The following KLHL29 variants were observed in gnomAD, a reference collection of about 807,000 sequenced individuals.
KLHL29 encodes kelch-like protein 29.
KLHL29 carries 21 observed loss-of-function variants against 80.4 expected under a neutral mutation model. The observed-to-expected ratio is 0.26, with a 90% CI of 0.19 to 0.38. The LOEUF is 0.38. Ranked by LOEUF, KLHL29 falls within the 10% of genes least tolerant of loss-of-function variation. The pLI is 1.00. For synonymous variants in KLHL29, 511 were observed against 526.8 expected, an observed-to-expected ratio of 0.97 and a Z score of 0.41; for missense variants, 867 against 1,223.9, an observed-to-expected ratio of 0.71 and a Z score of 4.35.
At chr2:23,587,213 T>C (rs1389820108) in intron 3 of KLHL29, among the ~76,000 whole-genome samples, 1 of 151,066 alleles carries the variant, frequency 6.6e-6, no homozygotes, top group Non-Finnish European at 1.5e-5. Context: ...TTTTATTCTT[T>C]TCCTCCTTAT....
chr2:23,441,541 A>G (rs949491096), intron 1 of KLHL29, among the ~76,000 whole-genome samples: 2 of 152,168 alleles, frequency 1.3e-5, no homozygotes, highest in Non-Finnish European at 2.9e-5. Flanking sequence ...TAGTAACCTA[A>G]AAGAACAACA....
chr2:23,672,575 C>A (rs1670796366), intron 5 of KLHL29, among the ~76,000 whole-genome samples: 4 of 152,160 alleles, frequency 2.6e-5, no homozygotes, highest in Non-Finnish European at 5.9e-5. Context: ...CCCCTCCTTC[C>A]TCATAAGGCC....
intron 2 of KLHL29, among the ~76,000 whole-genome samples, chr2:23,499,979 G>A (rs1049611830): frequency 2.6e-5 from 4 of 152,224 alleles, no homozygotes; most frequent in Non-Finnish European, 2.9e-5. Context: ...TGGTTTTAGC[G>A]TTGTGAGGAT....
chr2:23,521,004 G>A (rs113455719), intron 2 of KLHL29, among the ~76,000 whole-genome samples: 12 of 87,034 alleles, frequency 1.4e-4, no homozygotes, highest in Non-Finnish European at 2.5e-4. Context: ...CCCCCCCCCC[G>A]CTCCCCCTCA....
In KLHL29 at chr2:23,547,112, G is replaced by A. The variant is rs554417157; in HGVS notation, c.-45-15040G>A. 1.2e-3 allele frequency among the ~76,000 whole-genome samples: 189 copies of A among 152,164 alleles called. 3 individuals are homozygous for A. The highest frequency in any genetic ancestry group is 3.2e-4 in the Non-Finnish European group (22 of 68,020). On this transcript the variant is annotated intron_variant, in intron 2 of 13. Transcript: ENST00000486442. The stretch of plus-strand genomic sequence containing the variant: ...CCACAGCGGAAGGAGGGCCGGCACC[G>A]GGTCTCTGCACACGGAGGCTGTCTC...
At chr2:23,612,741 CA>C (rs1164293506) in intron 3 of KLHL29, among the ~76,000 whole-genome samples, 1 of 151,064 alleles carries the variant, frequency 6.6e-6, no homozygotes, top group Admixed American at 6.6e-5. Context: ...GTCTCAATCT[CA>C]AAAAAGAAAA....
intron 1 of KLHL29, among the ~76,000 whole-genome samples, chr2:23,402,527 C>A (rs1314847524): frequency 6.6e-6 from 1 of 152,072 alleles, no homozygotes; most frequent in South Asian, 2.1e-4. Context: ...CCTTCCCCCT[C>A]TCTCCCGTGG....
At chr2:23,563,507 G>A (rs1572403422) in intron 3 of KLHL29, among the ~76,000 whole-genome samples, 1 of 152,240 alleles carries the variant, frequency 6.6e-6, no homozygotes, top group Non-Finnish European at 1.5e-5. Flanking sequence ...GTGCATGAGT[G>A]TATGTGTGTG....
chr2:23,678,882 G>C (rs569674569), intron 5 of KLHL29, among the ~76,000 whole-genome samples: 1 of 152,296 alleles, frequency 6.6e-6, no homozygotes, highest in African/African-American at 2.4e-5. Flanking sequence ...ACAGAAAGTA[G>C]AATGGTGGTT....
chr2:23,437,395 C>T (rs1050634383), intron 1 of KLHL29, among the ~76,000 whole-genome samples: 21 of 152,180 alleles, frequency 1.4e-4, no homozygotes, highest in African/African-American at 4.8e-4. Flanking sequence ...AGGTGGCATC[C>T]CTCTTGCTGG....
chr2:23,535,885 A>G (rs76193254), intron 2 of KLHL29, among the ~76,000 whole-genome samples: 4,302 of 152,326 alleles, frequency 0.028, 64 homozygotes, highest in African/African-American at 0.04. Context: ...GTGTACACAT[A>G]AAATGGCTAA....
At chr2:23,549,281 T>G (rs1239360120) in intron 2 of KLHL29, among the ~76,000 whole-genome samples, 1 of 152,184 alleles carries the variant, frequency 6.6e-6, no homozygotes, top group Non-Finnish European at 1.5e-5. Flanking sequence ...CCTGCTTGGT[T>G]AATCTAAAAA....
At chr2:23,428,148 AGCTGCC>A (rs1230800001) in intron 1 of KLHL29, among the ~76,000 whole-genome samples, 1 of 152,244 alleles carries the variant, frequency 6.6e-6, no homozygotes, top group Non-Finnish European at 1.5e-5. Context: ...CATCCACGAC[AGCTGCC>A]ATCCAGAGAG....
chr2:23,390,389 G>A (rs1250846219), intron 1 of KLHL29, among the ~76,000 whole-genome samples: 1 of 152,182 alleles, frequency 6.6e-6, no homozygotes, highest in Non-Finnish European at 1.5e-5. Context: ...CGGGGATCTA[G>A]CGTGCGCAAA....
intron 5 of KLHL29, among the ~76,000 whole-genome samples, chr2:23,660,170 T>C (rs1670365319): frequency 6.6e-6 from 1 of 152,118 alleles, no homozygotes; most frequent in African/African-American, 2.4e-5. Flanking sequence ...CTCTCCAAGG[T>C]GGAGGGTCTT....
Position 23,406,534 on chromosome 2 carries a change from C to T in KLHL29, c.-154+20754C>T, listed in dbSNP as rs370918440. ...GAAAATTACTCTTAAACATCACTTC[C>T]GGATGGCTTCATTTATCCCATCCTG... On this transcript the variant is annotated intron_variant, in intron 1 of 13. Transcript: ENST00000486442. Among the ~76,000 whole-genome samples, 3 of 152,236 alleles carry T rather than the reference C, an allele frequency of 2.0e-5. No homozygotes were observed. The South Asian group carries it at 6.2e-4, about 32-fold the overall frequency.
At chr2:23,450,566 A>G (rs11885831) in intron 1 of KLHL29, among the ~76,000 whole-genome samples, 15,846 of 151,978 alleles carry the variant, frequency 0.1, 1,646 homozygotes, top group East Asian at 0.29. Context: ...TCGATATTGA[A>G]AGACTAAAAA....
intron 2 of KLHL29, among the ~76,000 whole-genome samples, chr2:23,541,330 A>G (rs1666827364): frequency 6.6e-6 from 1 of 152,244 alleles, no homozygotes; most frequent in African/African-American, 2.4e-5. Context: ...ATGCCTAGCT[A>G]TGGAGAAGGC....
intron 1 of KLHL29, among the ~76,000 whole-genome samples, chr2:23,429,137 C>T (rs1663093836): frequency 6.6e-6 from 1 of 152,222 alleles, no homozygotes; most frequent in Non-Finnish European, 1.5e-5. Context: ...CACTTGGGTA[C>T]ATATGTTCAC....
Sources: allele counts gnomAD v4.1 joint callset (sites outside exome capture counted in the v4.1 genomes callset), GRCh38; gene constraint gnomAD v4.1.1; transcripts MANE v1.5; gene names NCBI Gene and HGNC (gene_info 2026-07-23, HGNC 2026-07-21).